The following CFAP77 variants were observed in gnomAD, a reference collection of about 807,000 sequenced individuals.
The protein encoded by CFAP77 is cilia- and flagella-associated protein 77.
CFAP77 carries 25 observed loss-of-function variants against 31.1 expected under a neutral mutation model. The observed-to-expected ratio is 0.80, with a 90% CI of 0.59 to 1.12. The LOEUF is 1.12. Ranked by LOEUF, CFAP77 falls within the 50% of genes most tolerant of loss-of-function variation. CFAP77 has a pLI of 0.00. For missense variants in CFAP77, 377 were observed against 397.3 expected (o/e 0.95, Z 0.44); for synonymous variants, 151 against 159.9 (o/e 0.94, Z 0.42).
intron 1 of CFAP77, among the ~76,000 whole-genome samples, chr9:132,428,449 A>T (rs1306512695): frequency 1.3e-5 from 2 of 152,130 alleles, no homozygotes; most frequent in Non-Finnish European, 2.9e-5. Context: ...CCTCATCTCT[A>T]CTAAAAATAC....
At chr9:132,543,750 C>A (rs907012082) in intron 5 of CFAP77, among the ~76,000 whole-genome samples, 2 of 152,178 alleles carry the variant, frequency 1.3e-5, no homozygotes, top group African/African-American at 4.8e-5. Flanking sequence ...TAGATAAGGA[C>A]CCAGGGAACA....
intron 5 of CFAP77, among the ~76,000 whole-genome samples, chr9:132,561,653 ACACACACACC>A (rs879256321): frequency 0.058 from 5,749 of 99,850 alleles, 238 homozygotes; most frequent in Non-Finnish European, 0.063. Flanking sequence ...ACACACACAC[ACACACACACC>A]CCCTCCATGT....
At chr9:132,538,815 C>T (rs1032473665) in intron 4 of CFAP77, among the ~76,000 whole-genome samples, 40 of 151,616 alleles carry the variant, frequency 2.6e-4, no homozygotes, top group East Asian at 2.0e-4. Context: ...TGGCTGGGTA[C>T]GGTGGCTCAC....
intron 1 of CFAP77, among the ~76,000 whole-genome samples, chr9:132,458,028 CCCTCGTCATAT>C (rs1246926762): frequency 3.3e-5 from 5 of 152,204 alleles, no homozygotes; most frequent in Non-Finnish European, 7.3e-5. Context: ...GGGCCTCCCT[CCCTCGTCATAT>C]TTTATGATCC....
In CFAP77 at chr9:132,410,486, C is replaced by A; in HGVS notation, c.195+20C>A. ...GTCAAGGTGAGCACCCCACGCCCACCGCGCTTTCGCTGTCGCCGGCTCCGG... is the reference window on the plus strand; with the variant it reads ...GTCAAGGTGAGCACCCCACGCCCACAGCGCTTTCGCTGTCGCCGGCTCCGG... On this transcript the variant is annotated intron_variant, in intron 1 of 5. Transcript: ENST00000393216. 3.3e-6 allele frequency: 5 copies of A among 1,535,546 alleles called. No individual in the cohort carries two copies. The highest frequency in any genetic ancestry group is 4.4e-6 in the Non-Finnish European group (5 of 1,148,284).
chr9:132,473,171 T>G (rs1316488613), intron 1 of CFAP77, among the ~76,000 whole-genome samples: 1 of 152,060 alleles, frequency 6.6e-6, no homozygotes, highest in Non-Finnish European at 1.5e-5. Flanking sequence ...GAGTGAGAAC[T>G]CGTTCACCCC....
chr9:132,535,027 G>T (rs1453794550), intron 3 of CFAP77, among the ~76,000 whole-genome samples: 1 of 152,206 alleles, frequency 6.6e-6, no homozygotes, highest in African/African-American at 2.4e-5. Flanking sequence ...GCAGAGAATG[G>T]CACTTAGAGA....
Position 132,537,616 on chromosome 9 carries a change from C to T in CFAP77, c.540C>T (p.Phe180=), listed in dbSNP as rs756921406. Residue 180 remains phenylalanine (F), a synonymous_variant, in exon 4 of 6, where the codon TTC becomes TTT. Coordinates refer to ENST00000393216, the MANE Select transcript of CFAP77 (RefSeq NM_001282957.2). The stretch of plus-strand genomic sequence containing the variant: ...TTCCCTCCAGGCCTTCCACACCCTT[C>T]TTTGATCTGCTGCAGCACCGGTACC... The part of the protein sequence containing the change: ...FGIRARPSTP[F]FDLLQHRYLQ... 3.1e-6 allele frequency: 5 copies of T among 1,611,656 alleles called. No individual in the cohort carries two copies. The South Asian group carries it at 5.5e-5, about 18-fold the overall frequency.
chr9:132,505,049 T>A (rs1025626613), intron 3 of CFAP77, among the ~76,000 whole-genome samples: 5 of 151,886 alleles, frequency 3.3e-5, no homozygotes, highest in Admixed American at 3.3e-4. Flanking sequence ...ACAAAATGAG[T>A]GTTATTTACT....
intron 3 of CFAP77, among the ~76,000 whole-genome samples, chr9:132,524,381 A>T (rs11243812): frequency 1.3e-5 from 2 of 151,670 alleles, no homozygotes; most frequent in African/African-American, 2.4e-5. Context: ...CGGGCGGATC[A>T]CTTGAGGTCA....
chr9:132,423,866 C>T (rs1290354992), intron 1 of CFAP77, among the ~76,000 whole-genome samples: 2 of 152,226 alleles, frequency 1.3e-5, no homozygotes, highest in Non-Finnish European at 2.9e-5. Flanking sequence ...TGTTATGCCA[C>T]ACTGCCCGTT....
At chr9:132,520,986 T>G (rs7024593) in intron 3 of CFAP77, among the ~76,000 whole-genome samples, 1 of 152,088 alleles carries the variant, frequency 6.6e-6, no homozygotes, top group Non-Finnish European at 1.5e-5. Context: ...CCTGAATTAC[T>G]TCTGAACACA....
intron 1 of CFAP77, among the ~76,000 whole-genome samples, chr9:132,426,400 C>T (rs1850312300): frequency 6.6e-6 from 1 of 152,174 alleles, no homozygotes; most frequent in South Asian, 2.1e-4. Context: ...ATCCCGTTTC[C>T]ACCTGCAACC....
chr9:132,531,143 A>G (rs1852439898), intron 3 of CFAP77, among the ~76,000 whole-genome samples: 1 of 152,200 alleles, frequency 6.6e-6, no homozygotes, highest in African/African-American at 2.4e-5. Context: ...AATTATGAAA[A>G]GTTTATCTCC....
At chr9:132,416,329 A>ATTTT (rs71503303) in intron 1 of CFAP77, among the ~76,000 whole-genome samples, 9 of 60,298 alleles carry the variant, frequency 1.5e-4, no homozygotes, top group Admixed American at 5.5e-4. Context: ...TTCTTATCTG[A>ATTTT]TTTTTTTTTT....
intron 1 of CFAP77, among the ~76,000 whole-genome samples, chr9:132,476,280 C>T (rs1190526818): frequency 1.3e-5 from 2 of 152,070 alleles, no homozygotes; most frequent in Non-Finnish European, 2.9e-5. Context: ...TAACTCAACC[C>T]TTACTCACTG....
rs1852176450 is a variant in CFAP77, at chr9:132,517,930, G to A, written c.524+18330G>A. Among the ~76,000 whole-genome samples, 1 of 152,224 alleles carries A rather than the reference G, an allele frequency of 6.6e-6. No homozygotes were observed. The highest frequency in any genetic ancestry group is 1.5e-5 in the Non-Finnish European group (1 of 68,038). ...GAAGTTTCTGGGAGGCCTATCCCAA[G>A]TAGGAGCTGATTTCATTTCATTCCC... On this transcript the variant is annotated intron_variant, in intron 3 of 5. Coordinates refer to ENST00000393216, the MANE Select transcript of CFAP77 (RefSeq NM_001282957.2). This position sits in a 1 kb window ranked among gnomAD's most constrained non-coding sequence, Gnocchi z 4.7.
intron 1 of CFAP77, among the ~76,000 whole-genome samples, chr9:132,413,338 A>G (rs1850041298): frequency 6.6e-6 from 1 of 152,226 alleles, no homozygotes; most frequent in Non-Finnish European, 1.5e-5. Context: ...CAGATGCTCA[A>G]CAACCATTTG....
rs143089629 is a variant in CFAP77, at chr9:132,474,975, T to C, written c.196-23720T>C. Among the ~76,000 whole-genome samples, 7 of 152,364 alleles carry C rather than the reference T, an allele frequency of 4.6e-5. No individual in the cohort carries two copies. The South Asian group carries it at 1.2e-3, about 27-fold the overall frequency. On this transcript the variant is annotated intron_variant, in intron 1 of 5. Coordinates refer to ENST00000393216, the MANE Select transcript of CFAP77 (RefSeq NM_001282957.2). ...TAAAGCTTCTTAAAGAGGATTATAT[T>C]TGATTTCTTGTGGGAATTCTGGGGT... is the stretch of plus-strand genomic sequence containing the variant.
Sources: gnomAD v4.1 joint callset for allele counts (sites outside exome capture counted in the v4.1 genomes callset) on GRCh38, gnomAD v4.1.1 for gene constraint, Gnocchi (gnomAD v3.1) non-coding constraint, MANE v1.5 for transcripts, NCBI Gene and HGNC (gene_info 2026-07-23, HGNC 2026-07-21) for gene names.